PGAP4: variants seen among roughly 807,000 people sequenced by gnomAD.
PGAP4 encodes GPI-N-acetylgalactosamine transferase PGAP4.
In PGAP4, 12 loss-of-function variants were observed where a neutral mutation model predicts 28.2. The ratio of observed to expected loss-of-function variants is 0.42; its 90% CI spans 0.27 to 0.69. The LOEUF (loss-of-function observed/expected upper bound fraction) is 0.69. Ranked by LOEUF, PGAP4 falls within the 30% of genes least tolerant of loss-of-function variation. The probability of loss-of-function intolerance (pLI) is 0.22; values close to 1 mark genes in which losing one functional copy is unlikely to be tolerated. For missense variants in PGAP4, 425 were observed against 513.5 expected, an observed-to-expected ratio of 0.83 and a Z score of 1.67; for synonymous variants, 205 against 211.8, an observed-to-expected ratio of 0.97 and a Z score of 0.28.
At chr9:101,526,652 T>G (rs1264498149) in intron 2 of PGAP4, among the ~76,000 whole-genome samples, 2 of 152,178 alleles carry the variant, frequency 1.3e-5, no homozygotes, top group African/African-American at 4.8e-5. Flanking sequence ...TTTCACCATG[T>G]TGGCCAGGCT....
At chr9:101,489,261 C>G (rs1826663823), upstream of PGAP4, 1 of 152,130 alleles carries the variant, frequency 6.6e-6, no homozygotes, top group Admixed American at 6.5e-5. Context: ...AGGTTAGACA[C>G]TAGTAGTGGG....
chr9:101,517,185 G>A (rs1210723890), intron 2 of PGAP4, among the ~76,000 whole-genome samples: 1 of 152,052 alleles, frequency 6.6e-6, no homozygotes, highest in Non-Finnish European at 1.5e-5. Context: ...ACCTCACCAA[G>A]TTCCAAAGTG....
intron 2 of PGAP4, among the ~76,000 whole-genome samples, chr9:101,520,253 A>G (rs1826978084): frequency 6.6e-6 from 1 of 152,090 alleles, no homozygotes; most frequent in Non-Finnish European, 1.5e-5. Flanking sequence ...GTGAAGAATG[A>G]TGGTGTTATT....
intron 1 of PGAP4, among the ~76,000 whole-genome samples, chr9:101,485,627 G>A (rs1229718195): frequency 6.6e-6 from 1 of 152,148 alleles, no homozygotes; most frequent in Non-Finnish European, 1.5e-5. Flanking sequence ...TAATTCCCAT[G>A]GGTAATCAAA....
intron 2 of PGAP4, among the ~76,000 whole-genome samples, chr9:101,496,569 TA>T (rs1294002915): frequency 6.6e-6 from 1 of 151,408 alleles, no homozygotes; most frequent in Non-Finnish European, 1.5e-5. Context: ...AAATAATTTC[TA>T]AAAAGTTATA....
intron 1 of PGAP4, among the ~76,000 whole-genome samples, chr9:101,483,182 G>T (rs1240476937): frequency 6.6e-6 from 1 of 152,128 alleles, no homozygotes. Flanking sequence ...ACAGAACTAT[G>T]CATAGAAGAT....
At chr9:101,497,289 A>T (rs1309988594) in intron 2 of PGAP4, among the ~76,000 whole-genome samples, 1 of 151,538 alleles carries the variant, frequency 6.6e-6, no homozygotes, top group Non-Finnish European at 1.5e-5. Context: ...AAGAACTGAG[A>T]TATTAGACAA....
At chr9:101,509,633 G>A (rs1344318027) in intron 2 of PGAP4, among the ~76,000 whole-genome samples, 1 of 152,146 alleles carries the variant, frequency 6.6e-6, no homozygotes, top group Non-Finnish European at 1.5e-5. Context: ...CATCAGTTAA[G>A]GGCATGTACT....
intron 1 of PGAP4, among the ~76,000 whole-genome samples, chr9:101,482,683 ACTGT>A (rs1420823976): frequency 6.6e-6 from 1 of 152,202 alleles, no homozygotes; most frequent in African/African-American, 2.4e-5. Context: ...TGCTCCTCAC[ACTGT>A]CTAACTCAAC....
At chr9:101,526,927 A>G (rs893915796) in intron 2 of PGAP4, among the ~76,000 whole-genome samples, 12 of 152,244 alleles carry the variant, frequency 7.9e-5, no homozygotes, top group Admixed American at 7.8e-4. Context: ...CAGGGAAGGG[A>G]TATCAGGAAA....
At chr9:101,481,089 A>G (rs1826473048) in intron 1 of PGAP4, among the ~76,000 whole-genome samples, 1 of 152,192 alleles carries the variant, frequency 6.6e-6, no homozygotes, top group Non-Finnish European at 1.5e-5. Flanking sequence ...AGGCAGGAGG[A>G]TTGCCTGAGC....
rs1826317832 is a variant in PGAP4, at chr9:101,476,521, T to C, written c.572A>G (p.Tyr191Cys). ...TNSFEKEKQDYVYCLESSLQT... is the reference protein window; with the variant it reads ...TNSFEKEKQDCVYCLESSLQT... The stretch of plus-strand genomic sequence containing the variant: ...CAGGGATGACTCCAGGCAATAGACA[T>C]AGTCCTGCTTCTCTTTCTCAAACGA... The change falls in exon 2 of 2, where the codon TAT becomes TGT. Residue 191 changes from tyrosine (Y) to cysteine (C), a missense_variant. Transcript: ENST00000374848. This position sits in a 1 kb window ranked among gnomAD's most constrained non-coding sequence, Gnocchi z 7.0. 6.2e-7 allele frequency: 1 copy of C among 1,614,034 alleles called. No individual in the cohort carries two copies. Among genetic ancestry groups the C allele is most frequent in the Admixed American group, 1.7e-5 (1 of 60,004 alleles).
Position 101,497,060 on chromosome 9 carries a change from A to G in PGAP4, c.-164-7860T>C, listed in dbSNP as rs146184412. 4.2e-4 allele frequency among the ~76,000 whole-genome samples: 64 copies of G among 150,936 alleles called. 1 individual carries two copies. The highest frequency in any genetic ancestry group is 1.4e-3 in the African/African-American group (59 of 41,510). ...GGAAGCAAGAAATCTGGAATAATCT[A>G]TCTCATTTATAGATGAGAACTATTT... On this transcript the variant is annotated intron_variant, in intron 2 of 3. Coordinates refer to the PGAP4 transcript ENST00000374851.
intron 2 of PGAP4, among the ~76,000 whole-genome samples, chr9:101,510,682 T>C (rs1826889586): frequency 6.6e-6 from 1 of 152,202 alleles, no homozygotes; most frequent in South Asian, 2.1e-4. Context: ...ACGTTTGTTT[T>C]TTACTCATTT....
upstream of PGAP4, among the ~76,000 whole-genome samples, chr9:101,487,805 G>C (rs567056109): frequency 6.6e-6 from 1 of 152,130 alleles, no homozygotes; most frequent in Non-Finnish European, 1.5e-5. Flanking sequence ...TCAGGGCTAC[G>C]AAAATTATAT....
intron 2 of PGAP4, among the ~76,000 whole-genome samples, chr9:101,510,061 T>C (rs1255617249): frequency 6.6e-6 from 1 of 152,214 alleles, no homozygotes; most frequent in African/African-American, 2.4e-5. Flanking sequence ...GTTGTCAACA[T>C]CAGTAGGCTC....
In PGAP4 at chr9:101,477,081, T is replaced by C; in HGVS notation, c.12A>G (p.Ser4=). Residue 4 remains serine, a synonymous_variant, in exon 2 of 2, where the codon TCA becomes TCG. Coordinates refer to ENST00000374848, the MANE Select transcript of PGAP4 (RefSeq NM_032342.3). ...GGAGGAGCATGGCAGCTGGAGAGGT[T>C]GAAGTGCTCATGAGGTCAACTTTTG... is the stretch of plus-strand genomic sequence containing the variant. The part of the protein sequence containing the change: MST[S]TSPAAMLLRR... The C allele has an allele frequency of 2.2e-5, 35 of 1,585,500 alleles. No homozygotes were observed. Among genetic ancestry groups the C allele is most frequent in the Non-Finnish European group, 2.9e-5 (34 of 1,167,760 alleles).
chr9:101,506,145 C>A (rs894324063), intron 2 of PGAP4, among the ~76,000 whole-genome samples: 2 of 152,094 alleles, frequency 1.3e-5, no homozygotes, highest in African/African-American at 4.8e-5. Context: ...GCTGCCTATT[C>A]TCCAGTAGTA....
upstream of PGAP4, among the ~76,000 whole-genome samples, chr9:101,490,276 A>G (rs561289823): frequency 4.6e-5 from 7 of 152,164 alleles, no homozygotes; most frequent in East Asian, 1.2e-3. Flanking sequence ...TGCAACCTTC[A>G]CTTCCCAAGT....
Sources: allele counts gnomAD v4.1 joint callset (sites outside exome capture counted in the v4.1 genomes callset), GRCh38; gene constraint gnomAD v4.1.1; non-coding constraint Gnocchi (gnomAD v3.1); transcripts MANE v1.5; gene names NCBI Gene and HGNC (gene_info 2026-07-23, HGNC 2026-07-21).